The following INTS1 variants were observed in gnomAD, a reference collection of about 807,000 sequenced individuals.
INTS1 encodes the protein integrator complex subunit 1.
A neutral mutation model predicts 241.6 loss-of-function variants in INTS1; 137 were observed. The ratio of observed to expected loss-of-function variants is 0.57; its 90% CI spans 0.49 to 0.65. INTS1 has a LOEUF of 0.65. INTS1 is among the 30% of genes least tolerant of loss of function. The probability of loss-of-function intolerance (pLI) is 0.00; values close to 1 mark genes in which losing one functional copy is unlikely to be tolerated. For missense variants in INTS1, 3,073 were observed against 3,032.2 expected, an observed-to-expected ratio of 1.01 and a Z score of -0.32; for synonymous variants, 1,692 against 1,337.8, an observed-to-expected ratio of 1.26 and a Z score of -5.78.
chr7:1,475,073 G>T (rs570722909), intron 39 of INTS1, among the ~76,000 whole-genome samples: 1 of 152,342 alleles, frequency 6.6e-6, no homozygotes, highest in South Asian at 2.1e-4. Flanking sequence ...TACAATGAGC[G>T]GGAAACAAGC....
chr7:1,497,567 G>A lies in INTS1; in HGVS notation c.1426-253C>T, dbSNP rs936296432. On this transcript the variant is annotated intron_variant, in intron 10 of 47. Coordinates refer to ENST00000404767, the MANE Select transcript of INTS1 (RefSeq NM_001080453.3). This position sits in a 1 kb window ranked among gnomAD's most constrained non-coding sequence, Gnocchi z 5.3. The stretch of plus-strand genomic sequence containing the variant: ...CGTGAAATGAGGAGGATTAATTAAC[G>A]GAAGCTGGGGGTGCGGGACACCAGG... Among the ~76,000 whole-genome samples the A allele has an allele frequency of 1.3e-5, 2 of 152,266 alleles. No homozygotes were observed. Among genetic ancestry groups the A allele is most frequent in the South Asian group, 2.1e-4 (1 of 4,828 alleles).
At chr7:1,486,466 T>C (rs1436372949) in intron 22 of INTS1, among the ~76,000 whole-genome samples, 159 bp downstream of exon 22, 2 of 152,102 alleles carry the variant, frequency 1.3e-5, no homozygotes, top group East Asian at 1.9e-4. Context: ...GATTTCACCA[T>C]GTTGGCCAGG....
intron 44 of INTS1, 129 bp downstream of exon 44, chr7:1,472,144 A>G (rs1781499081): frequency 2.9e-6 from 2 of 700,874 alleles, no homozygotes; most frequent in Non-Finnish European, 5.0e-6. Flanking sequence ...GGAACAGCCC[A>G]CCCACCCACA....
intron 22 of INTS1, among the ~76,000 whole-genome samples, chr7:1,485,976 A>T (rs577025419): frequency 7.0e-4 from 106 of 151,956 alleles, no homozygotes; most frequent in African/African-American, 2.5e-3. Flanking sequence ...CTCATCTTTT[A>T]TTTTTTGTAG....
intron 47 of INTS1, 67 bp downstream of exon 47, chr7:1,470,779 C>T: frequency 6.8e-7 from 1 of 1,472,212 alleles, no homozygotes; most frequent in Non-Finnish European, 9.2e-7. Flanking sequence ...AAGAGCCAGC[C>T]CTCGGGGGAC....
At chr7:1,504,033 C>T (rs997408393) in intron 1 of INTS1, 32 bp from the exon 2 acceptor site, 1 of 1,131,900 alleles carries the variant, frequency 8.8e-7, no homozygotes, top group Non-Finnish European at 1.3e-6. Context: ...GTCATTCCTT[C>T]ACTCATTCGC....
chr7:1,494,801 C>A lies in INTS1; in HGVS notation c.1910+15G>T. The stretch of plus-strand genomic sequence containing the variant: ...CAGCCCGGCACACAGGAGCCCCAGG[C>A]GGCAGCGCACTCACTTGCGGTCACT... On this transcript the variant is annotated intron_variant, in intron 14 of 47. Transcript: ENST00000404767. The A allele has an allele frequency of 1.3e-6, 2 of 1,554,634 alleles. No homozygotes were observed. The highest frequency in any genetic ancestry group is 1.7e-4 in the Middle Eastern group (1 of 5,878).
intron 32 of INTS1, 96 bp from the exon 33 acceptor site, chr7:1,478,602 G>A (rs1584265841): frequency 6.6e-7 from 1 of 1,505,670 alleles, no homozygotes; most frequent in African/African-American, 1.4e-5. Flanking sequence ...GCTCCCCTGG[G>A]CCCACGCGGG....
At chr7:1,471,708 G>T in intron 44 of INTS1, 67 bp from the exon 45 acceptor site, 1 of 1,497,196 alleles carries the variant, frequency 6.7e-7, no homozygotes, top group Non-Finnish European at 9.3e-7. Context: ...CCCCACCCCA[G>T]CCACCCAGAG....
At position 1,502,790 on chromosome 7, in the gene INTS1, A is replaced by G. The variant is rs946740203; in HGVS notation, c.349+111T>C. 5.8e-5 allele frequency: 70 copies of G among 1,197,702 alleles called. No homozygotes were observed. The East Asian group carries it at 1.3e-3, about 22-fold the overall frequency. The allele number at this position is 1,197,702 out of a possible 1,614,324, so 74.2% of individuals were successfully genotyped here. A position where few individuals can be genotyped will look rare whatever the true frequency, so the allele number is the denominator to read the frequency against. The stretch of plus-strand genomic sequence containing the variant: ...CAAGCCACAAACATCCGCTCTCCCA[A>G]AGGACCTCGGCCATACGGGCAGCAC... On this transcript the variant is annotated intron_variant, in intron 3 of 47. Coordinates refer to ENST00000404767, the MANE Select transcript of INTS1 (RefSeq NM_001080453.3).
chr7:1,502,673 G>A (rs1324381792), intron 3 of INTS1, among the ~76,000 whole-genome samples: 5 of 152,224 alleles, frequency 3.3e-5, no homozygotes, highest in African/African-American at 4.8e-5. Flanking sequence ...CAATAAGGGA[G>A]TGACCCGGTT....
At chr7:1,482,323 A>G (rs1232330667) in intron 27 of INTS1, 4 of 433,986 alleles carry the variant, frequency 9.2e-6, no homozygotes, top group Non-Finnish European at 1.6e-5. Flanking sequence ...GCCTGACAGT[A>G]AGACCCTCTC....
chr7:1,503,443 AC>A (rs2128546217), intron 2 of INTS1, among the ~76,000 whole-genome samples: 1 of 151,976 alleles, frequency 6.6e-6, no homozygotes, highest in Non-Finnish European at 1.5e-5. Flanking sequence ...GTGCTTAGTA[AC>A]CCCCGCCCCG....
Position 1,473,150 on chromosome 7 carries a change from G to A in INTS1, c.5992C>T (p.Leu1998=). The change falls in exon 43 of 48, where the codon CTG becomes TTG. Residue 1998 remains leucine (L), a synonymous_variant. Coordinates refer to ENST00000404767, the MANE Select transcript of INTS1 (RefSeq NM_001080453.3). ...LSFDNSDLVM[L]KSLLAGLSLP... is the part of the protein sequence containing the mutation. ...CTGAGCCCTGCAAGGAGGGATTTCA[G>A]CATCACCAGGTCACTGTTGTCGAAG... 6.2e-7 allele frequency: 1 copy of A among 1,612,170 alleles called. No homozygotes were observed.
intron 41 of INTS1, 48 bp downstream of exon 41, chr7:1,474,120 G>A (rs1781598493): frequency 1.3e-6 from 2 of 1,519,438 alleles, no homozygotes; most frequent in Non-Finnish European, 1.8e-6. Flanking sequence ...CTGGGCCAGA[G>A]CAGAGGGAGT....
Position 1,500,033 on chromosome 7 carries a change from G to A in INTS1, c.547-12C>T. On this transcript the variant is annotated splice_polypyrimidine_tract_variant and intron_variant, in intron 4 of 47. Coordinates refer to ENST00000404767, the MANE Select transcript of INTS1 (RefSeq NM_001080453.3). The stretch of plus-strand genomic sequence containing the variant: ...AGGCTACACAGAGCCTGCCAGGGAG[G>A]GCGCATGTCACGTGGGAGCTTCGCT... 6.2e-7 allele frequency: 1 copy of A among 1,612,334 alleles called. No homozygotes were observed. The highest frequency in any genetic ancestry group is 1.1e-5 in the South Asian group (1 of 91,004).
At chr7:1,499,391 G>A (rs577438744) in intron 6 of INTS1, 31 bp from the exon 7 acceptor site, 20 of 1,551,188 alleles carry the variant, frequency 1.3e-5, no homozygotes, top group East Asian at 9.1e-5. Flanking sequence ...TCCATGCAGC[G>A]CCTCCCACCC....
chr7:1,486,516 T>G, intron 22 of INTS1, 109 bp downstream of exon 22: 1 of 1,269,086 alleles, frequency 7.9e-7, no homozygotes. Context: ...CTGCCTGCCT[T>G]GGCCTCCCAA....
At chr7:1,486,024 C>T (rs965697396) in intron 22 of INTS1, among the ~76,000 whole-genome samples, 46 of 151,726 alleles carry the variant, frequency 3.0e-4, no homozygotes, top group African/African-American at 1.1e-3. Flanking sequence ...TGGTCTCAAA[C>T]TCCTGGGCTC....
Sources: gnomAD v4.1 joint callset for allele counts (sites outside exome capture counted in the v4.1 genomes callset) on GRCh38, gnomAD v4.1.1 for gene constraint, Gnocchi (gnomAD v3.1) non-coding constraint, MANE v1.5 for transcripts, NCBI Gene and HGNC (gene_info 2026-07-23, HGNC 2026-07-21) for gene names.